LAMA4: variants seen among roughly 807,000 people sequenced by gnomAD.
The protein encoded by LAMA4 is laminin subunit alpha 4.
Under a neutral mutation model 207.1 loss-of-function variants are expected in LAMA4, and 127 were observed. The ratio of observed to expected loss-of-function variants is 0.61; its 90% confidence interval spans 0.53 to 0.71. The LOEUF (loss-of-function observed/expected upper bound fraction) is 0.71, where lower values mean the gene tolerates loss of function less well. Ranked by LOEUF, LAMA4 falls within the 30% of genes least tolerant of loss-of-function variation. The pLI is 0.00. For synonymous variants in LAMA4, 761 were observed against 816.0 expected, an observed-to-expected ratio of 0.93 and a Z score of 1.15; for missense variants, 2,093 against 2,246.5, an observed-to-expected ratio of 0.93 and a Z score of 1.38.
intron 13 of LAMA4, among the ~76,000 whole-genome samples, chr6:112,163,100 C>T (rs1433748656): frequency 6.6e-6 from 1 of 151,308 alleles, no homozygotes; most frequent in Non-Finnish European, 1.5e-5. Context: ...GCCTCCTGAG[C>T]AGCTGGGACT....
At chr6:112,158,400 T>G (rs1419989532) in intron 14 of LAMA4, 2 of 347,024 alleles carry the variant, frequency 5.8e-6, no homozygotes, top group African/African-American at 4.2e-5. Context: ...ACATTGTCTT[T>G]GGTCATCCTA....
At chr6:112,224,938 GT>G (rs5879142) in intron 2 of LAMA4, among the ~76,000 whole-genome samples, 1,775 of 143,134 alleles carry the variant, frequency 0.012, 38 homozygotes, top group African/African-American at 0.041. Context: ...TTCTTTCTCA[GT>G]TTTTTTTTTT....
chr6:112,156,696 C>T (rs1554337066), intron 14 of LAMA4, among the ~76,000 whole-genome samples: 1 of 152,058 alleles, frequency 6.6e-6, no homozygotes, highest in African/African-American at 2.4e-5. Flanking sequence ...CCTCCGTGAC[C>T]CAGTATATGA....
chr6:112,203,213 G>T (rs561098691), intron 4 of LAMA4, among the ~76,000 whole-genome samples: 1 of 152,180 alleles, frequency 6.6e-6, no homozygotes, highest in Non-Finnish European at 1.5e-5. Flanking sequence ...TGTAACCACT[G>T]TGGTGCCCAT....
chr6:112,111,416 A>T (rs6941214), intron 38 of LAMA4, among the ~76,000 whole-genome samples: 7,549 of 152,288 alleles, frequency 0.05, 620 homozygotes, highest in African/African-American at 0.17. Context: ...TTTGGTGTGT[A>T]GTTCTAGGAA....
chr6:112,206,385 C>G (rs17073562), intron 4 of LAMA4, among the ~76,000 whole-genome samples: 8,341 of 152,248 alleles, frequency 0.055, 725 homozygotes, highest in African/African-American at 0.19. Context: ...CACTATACCT[C>G]TTAAATTCCA....
intron 3 of LAMA4, among the ~76,000 whole-genome samples, chr6:112,208,833 A>G (rs1230389976): frequency 6.6e-6 from 1 of 152,234 alleles, no homozygotes; most frequent in Non-Finnish European, 1.5e-5. Context: ...GATTAAAATT[A>G]TGTCTGCAAA....
At chr6:112,155,188 G>T in intron 15 of LAMA4, 1 of 594,860 alleles carries the variant, frequency 1.7e-6, no homozygotes, top group Non-Finnish European at 3.0e-6. Flanking sequence ...CCCTGGCCAA[G>T]GCCCCACCAA....
At position 112,190,871 on chromosome 6, in the gene LAMA4, TTTTCTTTCTTTCTTTCTTTCTTTC is replaced by T. The variant is rs1173465019; in HGVS notation, c.718+741_718+764del. 1.7e-3 allele frequency among the ~76,000 whole-genome samples: 154 copies of T among 91,592 alleles called. 1 individual carries two copies. Among genetic ancestry groups the T allele is most frequent in the Middle Eastern group, 5.7e-3 (1 of 174 alleles). The allele number at this position is 91,592 out of a possible 152,430, so 60.1% of individuals were successfully genotyped here. ...CTGATTTGAACCATGCAAGGTTTCT[TTTTCTTTCTTTCTTTCTTTCTTTC>T]TTTCTTTCTTTCTTTCTTTCTTTCT... On this transcript the variant is annotated intron_variant, in intron 6 of 38. Transcript: ENST00000230538.
At chr6:112,164,883 G>GTAGCTGC (rs1781292848) in intron 13 of LAMA4, among the ~76,000 whole-genome samples, 1 of 152,242 alleles carries the variant, frequency 6.6e-6, no homozygotes. Context: ...ACTGAATATA[G>GTAGCTGC]TAGCTGCTAG....
chr6:112,139,589 T>C (rs893998947), intron 23 of LAMA4, among the ~76,000 whole-genome samples, 163 bp downstream of exon 23: 9 of 152,240 alleles, frequency 5.9e-5, no homozygotes, highest in African/African-American at 2.2e-4. Context: ...TGCTCATCTA[T>C]GATAGAGAAC....
At chr6:112,175,278 A>C (rs1391045161) in intron 11 of LAMA4, 35 bp downstream of exon 11, 29 of 1,609,352 alleles carry the variant, frequency 1.8e-5, no homozygotes, top group Non-Finnish European at 2.5e-5. Context: ...GAGGGCAAAC[A>C]TGTGCTGGGT....
At position 112,184,335 on chromosome 6, in the gene LAMA4, A is replaced by C. The variant is rs115633948; in HGVS notation, c.1077+902T>G. Among the ~76,000 whole-genome samples the C allele has an allele frequency of 4.7e-3, 713 of 152,126 alleles. 5 individuals are homozygous for C. Among genetic ancestry groups the C allele is most frequent in the African/African-American group, 0.016 (676 of 41,516 alleles). ...GTGGAATATCATTAGAAAAAAAAAAAAAAACTGTGTTAAACATTCTAATAT... is the reference window on the plus strand; with the variant it reads ...GTGGAATATCATTAGAAAAAAAAAACAAAACTGTGTTAAACATTCTAATAT... On this transcript the variant is annotated intron_variant, in intron 9 of 38. Coordinates refer to ENST00000230538, the MANE Select transcript of LAMA4 (RefSeq NM_001105206.3).
intron 17 of LAMA4, among the ~76,000 whole-genome samples, chr6:112,149,093 A>T (rs992870164): frequency 1.4e-5 from 2 of 140,880 alleles, no homozygotes; most frequent in South Asian, 4.6e-4. Context: ...ACCATCACCT[A>T]AGTGAATTAT....
At chr6:112,120,109 A>G (rs1338529760) in intron 33 of LAMA4, among the ~76,000 whole-genome samples, 174 bp downstream of exon 33, 3 of 152,186 alleles carry the variant, frequency 2.0e-5, no homozygotes, top group Non-Finnish European at 4.4e-5. Context: ...TCTCTTTTTA[A>G]ATAGTATGCT....
intron 38 of LAMA4, among the ~76,000 whole-genome samples, chr6:112,113,037 T>A (rs1554322103): frequency 1.2e-4 from 19 of 152,018 alleles, no homozygotes. Context: ...AAGAAGGAGA[T>A]GAAAATAACT....
intron 3 of LAMA4, among the ~76,000 whole-genome samples, chr6:112,207,895 A>G (rs1323278834): frequency 6.6e-6 from 1 of 152,148 alleles, no homozygotes; most frequent in Non-Finnish European, 1.5e-5. Flanking sequence ...CACTACCCAT[A>G]TTGTAGTGCT....
At chr6:112,149,619 G>A (rs557203934) in intron 17 of LAMA4, among the ~76,000 whole-genome samples, 2 of 152,294 alleles carry the variant, frequency 1.3e-5, no homozygotes, top group African/African-American at 4.8e-5. Flanking sequence ...CCCCAGCCAT[G>A]CAGAACTGTT....
chr6:112,167,802 T>A (rs1781464125), intron 12 of LAMA4, among the ~76,000 whole-genome samples: 1 of 150,344 alleles, frequency 6.7e-6, no homozygotes, highest in Non-Finnish European at 1.5e-5. Flanking sequence ...TGCCCTTGGA[T>A]GCTCACGGTC....
Sources: gnomAD v4.1 joint callset for allele counts (sites outside exome capture counted in the v4.1 genomes callset) on GRCh38, gnomAD v4.1.1 for gene constraint, MANE v1.5 for transcripts, NCBI Gene and HGNC (gene_info 2026-07-23, HGNC 2026-07-21) for gene names.